The following LIME1 variants were observed in gnomAD, a reference collection of about 807,000 sequenced individuals.
The protein encoded by LIME1 is lck-interacting transmembrane adapter 1.
A neutral mutation model predicts 18.8 loss-of-function variants in LIME1; 23 were observed. That is an observed-to-expected ratio of 1.22 (90% CI 0.88 to 1.73). LIME1 has a LOEUF of 1.73. Ranked by LOEUF, LIME1 falls within the 40% of genes most tolerant of loss-of-function variation. The probability of loss-of-function intolerance (pLI) is 0.00; values close to 1 mark genes in which losing one functional copy is unlikely to be tolerated. For missense variants in LIME1, 423 were observed against 396.8 expected, an observed-to-expected ratio of 1.07 and a Z score of -0.56; for synonymous variants, 177 against 182.3, an observed-to-expected ratio of 0.97 and a Z score of 0.23.
rs1284794047 is a variant in LIME1, at chr20:63,738,863, G to A, written c.851G>A (p.Gly284Glu). 4 of 1,609,456 alleles carry A rather than the reference G, an allele frequency of 2.5e-6. No individual in the cohort carries two copies. Among genetic ancestry groups the A allele is most frequent in the South Asian group, 1.1e-5 (1 of 90,710 alleles). Residue 284 changes from glycine (G) to glutamate (E), a missense_variant, in exon 6 of 6, where the codon GGG becomes GAG. Physicochemically the swap from Gly to Glu is moderately conservative, Grantham distance 98. Coordinates refer to ENST00000309546, the MANE Select transcript of LIME1 (RefSeq NM_017806.4). ...TPPASSCPSL[G>E]RGWRPLPASL... is the part of the protein sequence containing the mutation. ...CCTGCTTCCAGCTGCCCCAGCCTAG[G>A]GAGGGGCTGGAGACCCCTCCCTGCC...
intron 1 of LIME1, 146 bp from the exon 2 acceptor site, chr20:63,737,387 G>A: frequency 7.4e-7 from 1 of 1,344,134 alleles, no homozygotes; most frequent in Non-Finnish European, 9.5e-7. Context: ...GGGAGGGACT[G>A]CCAGGCCTTG....
chr20:63,736,048 G>A, upstream of LIME1: 3 of 1,355,422 alleles, frequency 2.2e-6, no homozygotes, highest in Non-Finnish European at 3.0e-6. Flanking sequence ...TGGAGACAGA[G>A]CTGCGGGGTC....
intron 1 of LIME1, chr20:63,737,043 A>G (rs2091997875): frequency 9.1e-6 from 9 of 986,730 alleles, no homozygotes; most frequent in Non-Finnish European, 9.6e-6. Context: ...CCCAGCCTCC[A>G]GCTCCTCCGG....
rs761280393 is a variant in LIME1, at chr20:63,737,565, T to G, written c.16T>G (p.Ser6Ala). The G allele has an allele frequency of 6.3e-7, 1 of 1,596,458 alleles. No individual in the cohort carries two copies. Among genetic ancestry groups the G allele is most frequent in the African/African-American group, 1.4e-5 (1 of 73,980 alleles). ...GCTTCACAGGATGGGGCTGCCAGTGTCCTGGGCCCCTCCTGCCCTCTGGGT... is the reference window on the plus strand; with the variant it reads ...GCTTCACAGGATGGGGCTGCCAGTGGCCTGGGCCCCTCCTGCCCTCTGGGT... Reference protein sequence around the residue: MGLPVSWAPPALWVLG... With the variant: MGLPVAWAPPALWVLG... Residue 6 changes from serine (S) to alanine (A), a missense_variant, in exon 2 of 6, where the codon TCC becomes GCC. Physicochemically the swap from Ser to Ala is moderately conservative, Grantham distance 99. Coordinates refer to ENST00000309546, the MANE Select transcript of LIME1 (RefSeq NM_017806.4).
At chr20:63,736,028 C>G, upstream of LIME1, 1 of 1,458,122 alleles carries the variant, frequency 6.9e-7, no homozygotes, top group Non-Finnish European at 9.2e-7. Context: ...GGCGTGCAGA[C>G]ACTGCTGAGT....
chr20:63,737,248 C>A, intron 1 of LIME1: 1 of 1,182,878 alleles, frequency 8.5e-7, no homozygotes, highest in South Asian at 3.4e-5. Flanking sequence ...GTGGCCACAG[C>A]TGTCTTGCCC....
At chr20:63,738,135 G>C (rs2092017801) in intron 4 of LIME1, 48 bp from the exon 5 acceptor site, 1 of 1,527,880 alleles carries the variant, frequency 6.5e-7, no homozygotes, top group Non-Finnish European at 8.8e-7. Flanking sequence ...GGCCAGACCC[G>C]CTCCTGCCCC....
chr20:63,735,789 T>C, upstream of LIME1: 1 of 1,604,462 alleles, frequency 6.2e-7, no homozygotes, highest in African/African-American at 1.3e-5. Flanking sequence ...AGGCATAGCG[T>C]GGCGTCAGCC....
At chr20:63,738,157 G>A in intron 4 of LIME1, 26 bp from the exon 5 acceptor site, 1 of 1,546,176 alleles carries the variant, frequency 6.5e-7, no homozygotes. Context: ...TGCCCGGAGT[G>A]AACTCTGCCC....
chr20:63,737,584 T>C lies in LIME1; in HGVS notation c.35T>C (p.Leu12Pro). ...CCAGTGTCCTGGGCCCCTCCTGCCCTCTGGGTTCTAGGGTGCTGCGCCCTG... is the reference window on the plus strand; with the variant it reads ...CCAGTGTCCTGGGCCCCTCCTGCCCCCTGGGTTCTAGGGTGCTGCGCCCTG... ...GLPVSWAPPA[L>P]WVLGCCALLL... Residue 12 changes from leucine to proline, a missense_variant, in exon 2 of 6, where the codon CTC (leucine) becomes CCC (proline). Leu to Pro is a moderately conservative substitution (Grantham distance 98). Coordinates refer to ENST00000309546, the MANE Select transcript of LIME1 (RefSeq NM_017806.4). The C allele has an allele frequency of 6.2e-7, 1 of 1,603,318 alleles. No individual in the cohort carries two copies.
chr20:63,737,589 G>T lies in LIME1; in HGVS notation c.40G>T (p.Val14Phe), dbSNP rs151138584. 2.4e-5 allele frequency: 39 copies of T among 1,604,544 alleles called. No homozygotes were observed. Among genetic ancestry groups the T allele is most frequent in the Non-Finnish European group, 3.2e-5 (38 of 1,176,936 alleles). Residue 14 changes from valine to phenylalanine, a missense_variant, in exon 2 of 6, where the codon GTT becomes TTT. Val to Phe is a conservative substitution (Grantham distance 50). Transcript: ENST00000309546. ...GTCCTGGGCCCCTCCTGCCCTCTGGGTTCTAGGGTGCTGCGCCCTGCTCCT... is the reference window on the plus strand; with the variant it reads ...GTCCTGGGCCCCTCCTGCCCTCTGGTTTCTAGGGTGCTGCGCCCTGCTCCT... ...PVSWAPPALW[V>F]LGCCALLLSL...
rs751464722 is a variant in LIME1, at chr20:63,737,582, C to T, written c.33C>T (p.Ala11=). The change falls in exon 2 of 6, where the codon GCC becomes GCT. Residue 11 remains alanine (A), a synonymous_variant. Coordinates refer to ENST00000309546, the MANE Select transcript of LIME1 (RefSeq NM_017806.4). MGLPVSWAPP[A]LWVLGCCALL... is the part of the protein sequence containing the mutation. ...TGCCAGTGTCCTGGGCCCCTCCTGC[C>T]CTCTGGGTTCTAGGGTGCTGCGCCC... 5.0e-6 allele frequency: 8 copies of T among 1,603,072 alleles called. No homozygotes were observed. The highest frequency in any genetic ancestry group is 2.7e-5 in the African/African-American group (2 of 74,402).
intron 3 of LIME1, 26 bp from the exon 4 acceptor site, chr20:63,737,947 C>A (rs914559): frequency 3.2e-6 from 5 of 1,571,462 alleles, no homozygotes; most frequent in Admixed American, 1.8e-5. Flanking sequence ...GTCCGCAGGG[C>A]ACCGACCAGC....
upstream of LIME1, chr20:63,735,787 C>A: frequency 6.2e-7 from 1 of 1,602,548 alleles, no homozygotes; most frequent in Non-Finnish European, 8.5e-7. Context: ...GCAGGCATAG[C>A]GTGGCGTCAG....
In LIME1 at chr20:63,737,515, CCTTT is replaced by C. The variant is rs1346353679; in HGVS notation, c.-17-14_-17-11del. On this transcript the variant is annotated splice_polypyrimidine_tract_variant and intron_variant, in intron 1 of 5. Transcript: ENST00000309546. ...GTCCCCTTGGCCAGCCCCCAGCGCC[CCTTT>C]CTTCTGTCCCCAGGGCCTCGGCTTC... The C allele has an allele frequency of 4.8e-6, 7 of 1,472,684 alleles. 1 individual carries two copies. Among genetic ancestry groups the C allele is most frequent in the Admixed American group, 5.5e-5 (2 of 36,632 alleles). The allele number at this position is 1,472,684 out of a possible 1,614,324, so 91.2% of individuals were successfully genotyped here.
Position 63,738,833 on chromosome 20 carries a change from C to T in LIME1, c.821C>T (p.Thr274Met), listed in dbSNP as rs1162086657. ...AGRSSTCGAGTPPASSCPSLG... is the reference protein window; with the variant it reads ...AGRSSTCGAGMPPASSCPSLG... ...AGGAGCAGCACGTGCGGGGCTGGGA[C>T]GCCCCCTGCTTCCAGCTGCCCCAGC... Residue 274 changes from threonine (T) to methionine (M), a missense_variant, in exon 6 of 6, where the codon ACG (threonine) becomes ATG (methionine). By Grantham distance (81) the Thr-to-Met change is moderately conservative. Coordinates refer to ENST00000309546, the MANE Select transcript of LIME1 (RefSeq NM_017806.4). The T allele has an allele frequency of 1.9e-6, 3 of 1,611,328 alleles. No homozygotes were observed. Among genetic ancestry groups the T allele is most frequent in the Non-Finnish European group, 2.5e-6 (3 of 1,179,338 alleles).
upstream of LIME1, chr20:63,736,549 G>T: frequency 1.1e-6 from 1 of 908,054 alleles, no homozygotes; most frequent in Non-Finnish European, 1.3e-6. Context: ...GGCGCAGCAG[G>T]TGGGTGAGGC....
upstream of LIME1, chr20:63,735,903 A>T (rs2091985551): frequency 5.0e-6 from 8 of 1,612,660 alleles, no homozygotes; most frequent in Non-Finnish European, 6.8e-6. Context: ...ACCCACAAGA[A>T]GATGACTGAG....
chr20:63,738,462 C>A lies in LIME1; in HGVS notation c.548C>A (p.Pro183Gln). The A allele has an allele frequency of 6.5e-7, 1 of 1,529,080 alleles. No individual in the cohort carries two copies. The highest frequency in any genetic ancestry group is 8.8e-7 in the Non-Finnish European group (1 of 1,137,724). The allele number at this position is 1,529,080 out of a possible 1,614,324, so 94.7% of individuals were successfully genotyped here. ...RKGTHRSPQE[P>Q]QQGKTEVTPA... ...GGGACCCATCGCAGTCCCCAAGAGC[C>A]ACAGCAGGGGAAGACTGAGGTGACC... The change falls in exon 5 of 6, where the codon CCA (proline) becomes CAA (glutamine). Residue 183 changes from proline to glutamine, a missense_variant. Transcript: ENST00000309546.
Sources: gnomAD v4.1 joint callset for allele counts on GRCh38, gnomAD v4.1.1 for gene constraint, MANE v1.5 for transcripts, NCBI Gene and HGNC (gene_info 2026-07-23, HGNC 2026-07-21) for gene names.